UBE2E2: variants seen among roughly 807,000 people sequenced by gnomAD.
The protein encoded by UBE2E2 is ubiquitin-conjugating enzyme E2 E2.
Under a neutral mutation model 24.7 loss-of-function variants are expected in UBE2E2, and 6 were observed. The ratio of observed to expected loss-of-function variants is 0.24; its 90% CI spans 0.13 to 0.48. The LOEUF (loss-of-function observed/expected upper bound fraction) is 0.48. UBE2E2 is among the 20% of genes least tolerant of loss of function. UBE2E2 has a pLI of 0.99. For missense variants in UBE2E2, 169 were observed against 245.0 expected (o/e 0.69, Z 2.07); for synonymous variants, 104 against 83.6 (o/e 1.24, Z -1.33).
At chr3:23,282,713 C>A (rs1698517972) in intron 3 of UBE2E2, among the ~76,000 whole-genome samples, 2 of 151,948 alleles carry the variant, frequency 1.3e-5, no homozygotes, top group African/African-American at 4.8e-5. Context: ...TAAAAAAATA[C>A]TGTCAGTATA....
chr3:23,460,506 T>A (rs998387654), intron 3 of UBE2E2, among the ~76,000 whole-genome samples: 1 of 152,166 alleles, frequency 6.6e-6, no homozygotes, highest in Admixed American at 6.5e-5. Context: ...AGCCCTCTAT[T>A]GATAGGAACA....
At chr3:23,236,937 C>T (rs1559450965) in intron 3 of UBE2E2, among the ~76,000 whole-genome samples, 2 of 152,170 alleles carry the variant, frequency 1.3e-5, no homozygotes, top group South Asian at 2.1e-4. Context: ...TTCAAGGCTT[C>T]GCTCAAATAC....
chr3:23,470,961 A>G (rs1699023206), intron 3 of UBE2E2, among the ~76,000 whole-genome samples: 1 of 152,176 alleles, frequency 6.6e-6, no homozygotes. Flanking sequence ...CGACACTTTT[A>G]ACCATGTAAC....
chr3:23,401,447 A>T (rs1273669187), intron 3 of UBE2E2, among the ~76,000 whole-genome samples: 1 of 152,224 alleles, frequency 6.6e-6, no homozygotes, highest in Admixed American at 6.5e-5. Context: ...TGAGAAAACC[A>T]AAACTCAGAA....
At chr3:23,533,141 A>C (rs1695164307) in intron 5 of UBE2E2, among the ~76,000 whole-genome samples, 1 of 152,288 alleles carries the variant, frequency 6.6e-6, no homozygotes, top group African/African-American at 2.4e-5. Flanking sequence ...GTAACTGTGC[A>C]TCCTGACAAG....
chr3:23,244,004 A>G (rs1175177169), intron 3 of UBE2E2, among the ~76,000 whole-genome samples: 2 of 151,996 alleles, frequency 1.3e-5, no homozygotes, highest in Admixed American at 6.6e-5. Flanking sequence ...CCCTTGTCCA[A>G]TCATGAAGGT....
intron 4 of UBE2E2, among the ~76,000 whole-genome samples, chr3:23,502,015 C>T (rs1421715760): frequency 6.6e-6 from 1 of 152,046 alleles, no homozygotes; most frequent in Non-Finnish European, 1.5e-5. Flanking sequence ...CCTAATATAT[C>T]AGTTTTAGAG....
At chr3:23,547,308 G>C (rs1695547262) in intron 5 of UBE2E2, among the ~76,000 whole-genome samples, 1 of 152,198 alleles carries the variant, frequency 6.6e-6, no homozygotes, top group Non-Finnish European at 1.5e-5. Flanking sequence ...TTACTCCCAG[G>C]CAGGGATTTA....
In UBE2E2 at chr3:23,298,093, C is replaced by G. The variant is rs75648548; in HGVS notation, c.227+80781C>G. 1.0e-3 allele frequency among the ~76,000 whole-genome samples: 156 copies of G among 151,392 alleles called. 2 individuals carry two copies. The East Asian group carries it at 0.021, about 20-fold the overall frequency. On this transcript the variant is annotated intron_variant, in intron 3 of 5. Transcript: ENST00000396703. ...TTATGATTTGGCTCTCTGTTTGTCT[C>G]TTATTGCTGTATAAGAATGCTTGTG...
intron 3 of UBE2E2, among the ~76,000 whole-genome samples, chr3:23,315,435 C>G (rs1694547091): frequency 1.3e-5 from 2 of 151,900 alleles, no homozygotes; most frequent in South Asian, 4.1e-4. Context: ...ATGTCAGTTG[C>G]ATTTTTCAAC....
intron 5 of UBE2E2, chr3:23,534,291 T>C: frequency 1.0e-6 from 1 of 960,116 alleles, no homozygotes; most frequent in Non-Finnish European, 1.2e-6. Flanking sequence ...ACCAAAGCCT[T>C]CTCTCAGCAA....
chr3:23,208,138 G>A (rs1330436435), intron 1 of UBE2E2, among the ~76,000 whole-genome samples: 11 of 151,864 alleles, frequency 7.2e-5, no homozygotes, highest in Admixed American at 3.9e-4. Context: ...GTCCCACTAC[G>A]TTGCCCAGGC....
intron 3 of UBE2E2, chr3:23,271,293 AG>A: frequency 3.4e-6 from 1 of 295,798 alleles, no homozygotes; most frequent in South Asian, 3.3e-5. Flanking sequence ...ATGTTTCTGG[AG>A]TTTCTTCCTT....
chr3:23,492,859 G>A (rs530344575), intron 3 of UBE2E2, among the ~76,000 whole-genome samples: 1 of 151,674 alleles, frequency 6.6e-6, no homozygotes. Flanking sequence ...AAATATCCTA[G>A]TAGCCACATT....
Position 23,401,873 on chromosome 3 carries a change from T to G in UBE2E2, c.228-97735T>G, listed in dbSNP as rs1183695716. Among the ~76,000 whole-genome samples the G allele has an allele frequency of 5.5e-5, 6 of 109,470 alleles. No individual in the cohort carries two copies. In the East Asian group the frequency reaches 1.0e-3, roughly 19 times the overall value. 71.8% of individuals were successfully genotyped at this position (109,470 alleles called of 152,430 possible). A position where few individuals can be genotyped will look rare whatever the true frequency, so the allele number is the denominator to read the frequency against. ...CTTTTTTTTTTTTTTTTTTTTTTTTTGTGAGATGGAGTCTCGCTGTGTCAC... is the reference window on the plus strand; with the variant it reads ...CTTTTTTTTTTTTTTTTTTTTTTTTGGTGAGATGGAGTCTCGCTGTGTCAC... On this transcript the variant is annotated intron_variant, in intron 3 of 5. Transcript: ENST00000396703.
At chr3:23,503,071 A>G (rs554006913) in intron 4 of UBE2E2, among the ~76,000 whole-genome samples, 25 of 152,002 alleles carry the variant, frequency 1.6e-4, no homozygotes. Flanking sequence ...TTTTACACCT[A>G]TTTATTTTTC....
In UBE2E2 at chr3:23,515,309, T is replaced by C. The variant is rs541213068; in HGVS notation, c.360+15569T>C. On this transcript the variant is annotated intron_variant, in intron 4 of 5. Transcript: ENST00000396703. Reference sequence around the variant, plus strand: ...GAAAAGCAAAGTGAAATAGGAGATATTTCCTCCTGCAGGTGTGCACACACA... The same window carrying C: ...GAAAAGCAAAGTGAAATAGGAGATACTTCCTCCTGCAGGTGTGCACACACA... Among the ~76,000 whole-genome samples, 3 of 152,242 alleles carry C rather than the reference T, an allele frequency of 2.0e-5. No individual in the cohort carries two copies. In the South Asian group the frequency reaches 6.2e-4, roughly 32 times the overall value.
At chr3:23,257,211 T>C (rs1697749648) in intron 3 of UBE2E2, among the ~76,000 whole-genome samples, 1 of 152,184 alleles carries the variant, frequency 6.6e-6, no homozygotes, top group Admixed American at 6.5e-5. Flanking sequence ...TTTCATGTTA[T>C]CATCTAAATG....
chr3:23,278,963 AT>A (rs1358234416), intron 3 of UBE2E2, among the ~76,000 whole-genome samples: 4 of 152,080 alleles, frequency 2.6e-5, no homozygotes, highest in Non-Finnish European at 5.9e-5. Context: ...TAATTTGATA[AT>A]TTTAAAAGGA....
Sources: allele counts gnomAD v4.1 joint callset (sites outside exome capture counted in the v4.1 genomes callset), GRCh38; gene constraint gnomAD v4.1.1; transcripts MANE v1.5; gene names NCBI Gene and HGNC (gene_info 2026-07-23, HGNC 2026-07-21).